Variants in WBP1L observed in about 807,000 individuals in gnomAD.
The protein encoded by WBP1L is WW domain binding protein 1 like.
In WBP1L, 17 loss-of-function variants were observed where a neutral mutation model predicts 33.7. The observed-to-expected ratio is 0.50, with a 90% CI of 0.34 to 0.76. The LOEUF is 0.76. Ranked by LOEUF, WBP1L falls within the 30% of genes least tolerant of loss-of-function variation. The pLI, the probability that WBP1L is intolerant of heterozygous loss-of-function variation, is 0.01. For synonymous variants in WBP1L, 173 were observed against 190.8 expected (o/e 0.91, Z 0.77); for missense variants, 389 against 469.4 (o/e 0.83, Z 1.58).
intron 2 of WBP1L, among the ~76,000 whole-genome samples, chr10:102,809,539 T>G (rs890590413): frequency 6.6e-6 from 1 of 151,444 alleles, no homozygotes; most frequent in African/African-American, 2.4e-5. Context: ...ACCTGGCTGA[T>G]TTTTGTATTT....
intron 1 of WBP1L, among the ~76,000 whole-genome samples, chr10:102,759,495 G>A (rs1250744019): frequency 2.0e-5 from 3 of 152,108 alleles, no homozygotes; most frequent in African/African-American, 7.2e-5. Flanking sequence ...TGTGCCTTCA[G>A]TCTCTTGCCT....
Position 102,813,476 on chromosome 10 carries a change from T to G in WBP1L, c.*145T>G. On this transcript the variant is annotated 3_prime_UTR_variant, in exon 4 of 4. Coordinates refer to ENST00000448841, the MANE Select transcript of WBP1L (RefSeq NM_001083913.2). ...TTGTTTTCCTTCTCCTCTCCTGCAT[T>G]TTCCTCCATCTCCAGGTACAGTTCG... 1 of 1,151,548 alleles carries G rather than the reference T, an allele frequency of 8.7e-7. No homozygotes were observed. Among genetic ancestry groups the G allele is most frequent in the Non-Finnish European group, 1.2e-6 (1 of 840,618 alleles). 71.3% of individuals were successfully genotyped at this position (1,151,548 alleles called of 1,614,324 possible). A position where few individuals can be genotyped will look rare whatever the true frequency, so the allele number is the denominator to read the frequency against.
intron 1 of WBP1L, among the ~76,000 whole-genome samples, chr10:102,761,121 G>GT (rs111654669): frequency 0.012 from 1,621 of 134,012 alleles, 12 homozygotes; most frequent in African/African-American, 0.015. Flanking sequence ...TGGCCAGGCT[G>GT]TTTTTTTTTT....
chr10:102,745,647 C>A (rs1025424340), intron 1 of WBP1L, among the ~76,000 whole-genome samples: 1 of 152,198 alleles, frequency 6.6e-6, no homozygotes, highest in Admixed American at 6.5e-5. Flanking sequence ...CATTCCTGTT[C>A]ATGACCAAGT....
chr10:102,754,524 G>A (rs182888803), intron 1 of WBP1L, among the ~76,000 whole-genome samples: 3 of 149,448 alleles, frequency 2.0e-5, no homozygotes, highest in South Asian at 2.1e-4. Flanking sequence ...TCAGCCTCCC[G>A]AGTGGCTGGG....
intron 1 of WBP1L, among the ~76,000 whole-genome samples, chr10:102,792,123 G>A (rs140445747): frequency 6.6e-6 from 1 of 152,246 alleles, no homozygotes; most frequent in Non-Finnish European, 1.5e-5. Flanking sequence ...TTCCAGTTTG[G>A]TGTTGGTCTT....
intron 1 of WBP1L, among the ~76,000 whole-genome samples, chr10:102,774,669 T>C (rs1003145695): frequency 4.6e-5 from 7 of 152,222 alleles, no homozygotes; most frequent in African/African-American, 1.4e-4. Context: ...AGGTACTAAT[T>C]TGCAAGAATC....
intron 1 of WBP1L, among the ~76,000 whole-genome samples, chr10:102,782,028 C>T (rs1049518440): frequency 6.6e-6 from 1 of 151,940 alleles, no homozygotes; most frequent in Non-Finnish European, 1.5e-5. Flanking sequence ...CCACCATGCC[C>T]AGCTAATTTT....
chr10:102,756,463 A>AT (rs556597597), intron 1 of WBP1L, among the ~76,000 whole-genome samples: 24 of 151,124 alleles, frequency 1.6e-4, no homozygotes, highest in Admixed American at 1.3e-3. Context: ...CACAAGATGC[A>AT]TTTTTTTTTA....
chr10:102,804,351 C>T (rs1843701403), intron 2 of WBP1L, among the ~76,000 whole-genome samples: 1 of 146,158 alleles, frequency 6.8e-6, no homozygotes, highest in South Asian at 2.2e-4. Flanking sequence ...TCACACCACT[C>T]CACTCCAGCC....
At chr10:102,751,890 G>C (rs1334080390) in intron 1 of WBP1L, among the ~76,000 whole-genome samples, 1 of 152,134 alleles carries the variant, frequency 6.6e-6, no homozygotes, top group Admixed American at 6.5e-5. Context: ...TATATGTAAA[G>C]CTCTTGGAAT....
chr10:102,815,835 G>A lies in WBP1L; in HGVS notation c.*2504G>A, dbSNP rs1047039492. The A allele has an allele frequency of 6.6e-6, 1 of 152,358 alleles. No individual in the cohort carries two copies. Among genetic ancestry groups the A allele is most frequent in the African/African-American group, 2.4e-5 (1 of 41,466 alleles). The allele number at this position is 152,358 out of a possible 1,614,324, so 9.4% of individuals were successfully genotyped here. A position where few individuals can be genotyped will look rare whatever the true frequency, so the allele number is the denominator to read the frequency against. ...AGTGTTAACTGTGGGACTCACTGCAGCGTCCTATCCTAAAGGCACGAGAAG... is the reference window on the plus strand; with the variant it reads ...AGTGTTAACTGTGGGACTCACTGCAACGTCCTATCCTAAAGGCACGAGAAG... On this transcript the variant is annotated 3_prime_UTR_variant, in exon 4 of 4. Coordinates refer to ENST00000448841, the MANE Select transcript of WBP1L (RefSeq NM_001083913.2).
intron 2 of WBP1L, among the ~76,000 whole-genome samples, chr10:102,807,745 G>A (rs1843757119): frequency 6.6e-6 from 1 of 151,460 alleles, no homozygotes; most frequent in South Asian, 2.1e-4. Flanking sequence ...TTTAATATCA[G>A]AAACTCTTTG....
intron 2 of WBP1L, among the ~76,000 whole-genome samples, chr10:102,802,373 G>GT (rs1197617045): frequency 1.5e-4 from 23 of 149,016 alleles, no homozygotes; most frequent in Middle Eastern, 3.5e-3. Context: ...TTTACCTGCC[G>GT]TTTTTTTTTG....
chr10:102,776,474 A>G, intron 1 of WBP1L: 1 of 1,607,764 alleles, frequency 6.2e-7, no homozygotes, highest in African/African-American at 1.3e-5. Context: ...GAGCTTGTTT[A>G]TTGTACTACT....
chr10:102,783,181 G>A (rs540053065), intron 1 of WBP1L, among the ~76,000 whole-genome samples: 3 of 152,278 alleles, frequency 2.0e-5, no homozygotes, highest in East Asian at 1.9e-4. Context: ...TCATTCCTGC[G>A]TCTCTGTGTA....
chr10:102,766,302 C>T (rs1467018693), intron 1 of WBP1L, among the ~76,000 whole-genome samples: 2 of 151,908 alleles, frequency 1.3e-5, no homozygotes, highest in East Asian at 3.9e-4. Flanking sequence ...ATTAGCTGGG[C>T]ATGGTGCGCA....
intron 1 of WBP1L, among the ~76,000 whole-genome samples, chr10:102,795,834 C>T (rs1219503426): frequency 1.3e-5 from 2 of 152,186 alleles, no homozygotes; most frequent in African/African-American, 4.8e-5. Flanking sequence ...ATGTTTTGCT[C>T]TGAAGTCAAA....
chr10:102,746,806 C>T (rs892316818), intron 1 of WBP1L, among the ~76,000 whole-genome samples: 5 of 152,248 alleles, frequency 3.3e-5, no homozygotes, highest in South Asian at 4.1e-4. Flanking sequence ...TGCATTTCTC[C>T]CACAAAATTG....
Sources: gnomAD v4.1 joint callset for allele counts (sites outside exome capture counted in the v4.1 genomes callset) on GRCh38, gnomAD v4.1.1 for gene constraint, MANE v1.5 for transcripts, NCBI Gene and HGNC (gene_info 2026-07-23, HGNC 2026-07-21) for gene names.